The following SNAP91 variants were observed in gnomAD, a reference collection of about 807,000 sequenced individuals.
SNAP91 encodes clathrin coat assembly protein AP180.
Under a neutral mutation model 100.3 loss-of-function variants are expected in SNAP91, and 27 were observed. The ratio of observed to expected loss-of-function variants is 0.27; its 90% CI spans 0.20 to 0.37. The LOEUF (loss-of-function observed/expected upper bound fraction) is 0.37, where lower values mean the gene tolerates loss of function less well. Among genes scored for constraint, SNAP91 ranks in the 10% least tolerant of loss-of-function variants. SNAP91 has a pLI of 1.00. For missense variants in SNAP91, 986 were observed against 1,123.7 expected (o/e 0.88, Z 1.75); for synonymous variants, 404 against 398.6 (o/e 1.01, Z -0.16).
In SNAP91 at chr6:83,641,055, T is replaced by C. The variant is rs974970606; in HGVS notation, c.765+41A>G. The C allele has an allele frequency of 1.1e-5, 13 of 1,158,012 alleles. No individual in the cohort carries two copies. In the Admixed American group the frequency reaches 1.3e-4, roughly 11 times the overall value. The allele number at this position is 1,158,012 out of a possible 1,614,324, so 71.7% of individuals were successfully genotyped here. A position where few individuals can be genotyped will look rare whatever the true frequency, so the allele number is the denominator to read the frequency against. ...TATACTCCAGATACATGAGCAAATA[T>C]TTAAAAAATTATATTCCCAAGAAAA... On this transcript the variant is annotated intron_variant, in intron 8 of 29. Coordinates refer to ENST00000369694, the MANE Select transcript of SNAP91 (RefSeq NM_001242792.2).
chr6:83,662,552 T>C (rs552569718), intron 3 of SNAP91, 130 bp from the exon 4 acceptor site: 1 of 370,180 alleles, frequency 2.7e-6, no homozygotes, highest in Non-Finnish European at 4.9e-6. Flanking sequence ...TAAAGTTTCC[T>C]AGAATGCTGA....
intron 14 of SNAP91, among the ~76,000 whole-genome samples, chr6:83,602,724 A>G (rs1176036054): frequency 6.6e-6 from 1 of 152,058 alleles, no homozygotes; most frequent in Non-Finnish European, 1.5e-5. Flanking sequence ...TGACTTTTCT[A>G]TTGCTATGAA....
intron 8 of SNAP91, among the ~76,000 whole-genome samples, chr6:83,626,174 C>A (rs148699799): frequency 1.3e-5 from 2 of 151,758 alleles, no homozygotes; most frequent in Admixed American, 1.3e-4. Flanking sequence ...TTTGTAGGTA[C>A]GCTGCTTTAT....
intron 26 of SNAP91, among the ~76,000 whole-genome samples, chr6:83,562,797 C>A (rs140075710): frequency 6.6e-6 from 1 of 152,262 alleles, no homozygotes; most frequent in East Asian, 1.9e-4. Context: ...ATCCTGGACC[C>A]CAATAAAGGC....
chr6:83,597,012 G>C (rs140964001), intron 16 of SNAP91, among the ~76,000 whole-genome samples: 5 of 152,144 alleles, frequency 3.3e-5, no homozygotes, highest in Non-Finnish European at 7.3e-5. Context: ...AGGAGATAAA[G>C]CCCATATTGT....
intron 14 of SNAP91, among the ~76,000 whole-genome samples, chr6:83,603,299 C>T (rs1365735954): frequency 6.6e-6 from 1 of 152,072 alleles, no homozygotes; most frequent in African/African-American, 2.4e-5. Flanking sequence ...AAATTTTGGC[C>T]CATTAGCTTA....
Position 83,606,602 on chromosome 6 carries a change from G to A in SNAP91, c.1023-799C>T, listed in dbSNP as rs2095630215. On this transcript the variant is annotated intron_variant, in intron 13 of 29. Coordinates refer to ENST00000369694, the MANE Select transcript of SNAP91 (RefSeq NM_001242792.2). ...TCACATGTACCTTCAGATTTGAGGA[G>A]CACTGGCTTAAAAGTTACCAGGCCA... 2.0e-5 allele frequency among the ~76,000 whole-genome samples: 3 copies of A among 152,220 alleles called. No homozygotes were observed. The South Asian group carries it at 6.2e-4, about 31-fold the overall frequency.
intron 2 of SNAP91, among the ~76,000 whole-genome samples, chr6:83,667,666 T>G (rs953687127): frequency 2.0e-5 from 3 of 152,110 alleles, no homozygotes; most frequent in Non-Finnish European, 4.4e-5. Flanking sequence ...CTTTAAGTTC[T>G]AGGGTACATG....
At chr6:83,658,468 G>A (rs2098459620) in intron 6 of SNAP91, among the ~76,000 whole-genome samples, 2 of 152,078 alleles carry the variant, frequency 1.3e-5, no homozygotes, top group African/African-American at 4.8e-5. Flanking sequence ...AATTGGCCGG[G>A]CATGGTGGCG....
intron 16 of SNAP91, among the ~76,000 whole-genome samples, chr6:83,596,033 G>A: frequency 6.6e-6 from 1 of 152,134 alleles, no homozygotes; most frequent in East Asian, 1.9e-4. Flanking sequence ...GTTCCTCTTT[G>A]TTATACTGAG....
At chr6:83,678,781 T>C in intron 2 of SNAP91, 1 of 1,289,068 alleles carries the variant, frequency 7.8e-7, no homozygotes, top group South Asian at 1.2e-5. Context: ...GCCTTACTGT[T>C]ATTATTCTTG....
chr6:83,579,532 T>C (rs34919380), intron 24 of SNAP91, among the ~76,000 whole-genome samples: 9,047 of 152,280 alleles, frequency 0.059, 377 homozygotes, highest in Non-Finnish European at 0.088. Context: ...AAACTTTTGA[T>C]ACTACCTTGA....
chr6:83,570,288 C>G (rs1180783264), intron 26 of SNAP91, among the ~76,000 whole-genome samples: 2 of 152,158 alleles, frequency 1.3e-5, no homozygotes, highest in African/African-American at 4.8e-5. Context: ...AGCTGCTAAA[C>G]ATTCAAGAGG....
chr6:83,630,788 C>G (rs890048317), intron 8 of SNAP91, among the ~76,000 whole-genome samples: 1 of 145,558 alleles, frequency 6.9e-6, no homozygotes, highest in Non-Finnish European at 1.5e-5. Flanking sequence ...AAAAAAAAAA[C>G]AGCTTTTTGT....
chr6:83,608,993 A>G (rs2095822042), intron 12 of SNAP91, among the ~76,000 whole-genome samples: 1 of 152,240 alleles, frequency 6.6e-6, no homozygotes, highest in African/African-American at 2.4e-5. Flanking sequence ...CATTGGGAAC[A>G]CTGAGAAATC....
intron 22 of SNAP91, among the ~76,000 whole-genome samples, chr6:83,587,897 AT>A (rs1169365551): frequency 6.6e-6 from 1 of 152,162 alleles, no homozygotes; most frequent in Non-Finnish European, 1.5e-5. Context: ...CGTGAGAAAT[AT>A]TTTTCTATAA....
At chr6:83,702,862 T>C (rs563692983) in intron 2 of SNAP91, among the ~76,000 whole-genome samples, 5 of 152,294 alleles carry the variant, frequency 3.3e-5, no homozygotes, top group African/African-American at 1.2e-4. Context: ...TTTTGTGTCA[T>C]TTTTAAAGCA....
chr6:83,674,718 G>A (rs2098836465), intron 2 of SNAP91, among the ~76,000 whole-genome samples: 1 of 152,136 alleles, frequency 6.6e-6, no homozygotes, highest in South Asian at 2.1e-4. Flanking sequence ...AGGTGAGTTG[G>A]TTACAGATAT....
At chr6:83,700,836 G>A (rs1345966950) in intron 2 of SNAP91, among the ~76,000 whole-genome samples, 1 of 152,072 alleles carries the variant, frequency 6.6e-6, no homozygotes, top group Non-Finnish European at 1.5e-5. Context: ...GGGCTAAACT[G>A]ATCCTCCTGC....
Sources: gnomAD v4.1 joint callset for allele counts (sites outside exome capture counted in the v4.1 genomes callset) on GRCh38, gnomAD v4.1.1 for gene constraint, MANE v1.5 for transcripts, NCBI Gene and HGNC (gene_info 2026-07-23, HGNC 2026-07-21) for gene names.